The following SNRPN variants were observed in gnomAD, a reference collection of about 807,000 sequenced individuals.
The protein encoded by SNRPN is small nuclear ribonucleoprotein polypeptide N, also known as small nuclear ribonucleoprotein-associated protein N.
In SNRPN, 7 loss-of-function variants were observed where a neutral mutation model predicts 25.2. That is an observed-to-expected ratio of 0.28 (90% CI 0.16 to 0.52). SNRPN has a LOEUF of 0.52. Ranked by LOEUF, SNRPN falls within the 20% of genes least tolerant of loss-of-function variation. The pLI is 0.96. For missense variants in SNRPN, 196 were observed against 322.5 expected (o/e 0.61, Z 3.00); for synonymous variants, 124 against 110.6 (o/e 1.12, Z -0.76).
chr15:24,889,777 T>C (rs533022404), intron 2 of SNRPN, among the ~76,000 whole-genome samples: 3 of 151,340 alleles, frequency 2.0e-5, no homozygotes, highest in Non-Finnish European at 2.9e-5. Context: ...TGGCTGGGTG[T>C]GGTGGCTCAC....
intron 6 of SNRPN, 136 bp from the exon 7 acceptor site, chr15:24,976,741 G>T (rs2077104601): frequency 1.3e-6 from 1 of 782,474 alleles, no homozygotes; most frequent in East Asian, 2.6e-5. Context: ...ATACTTGCTT[G>T]TTTGTTCATT....
intron 2 of SNRPN, among the ~76,000 whole-genome samples, chr15:24,889,447 C>T (rs550448242): frequency 2.0e-4 from 30 of 151,986 alleles, no homozygotes; most frequent in Admixed American, 4.6e-4. Context: ...GGACTACAGG[C>T]GCCTGCCACC....
rs151045016 is a variant in SNRPN, at chr15:24,924,286, T to C, written c.-391+4162T>C. ...AGGACAGAGGGTATAGGTGATTAGG[T>C]AACTTAGGGGAGAGTAAACAGTTTG... On this transcript the variant is annotated intron_variant, in intron 3 of 11. Coordinates refer to the SNRPN transcript ENST00000400097. Among the ~76,000 whole-genome samples the C allele has an allele frequency of 1.6e-4, 24 of 151,970 alleles. No homozygotes were observed. In the East Asian group the frequency reaches 4.7e-3, roughly 30 times the overall value.
chr15:24,959,651 A>G (rs933795487), intron 1 of SNRPN, among the ~76,000 whole-genome samples: 3 of 152,196 alleles, frequency 2.0e-5, no homozygotes, highest in Non-Finnish European at 4.4e-5. Flanking sequence ...ATTGTATTAT[A>G]TTAAGGTACT....
At chr15:24,880,203 A>G (rs1403637689) in intron 1 of SNRPN, among the ~76,000 whole-genome samples, 1 of 152,176 alleles carries the variant, frequency 6.6e-6, no homozygotes, top group Non-Finnish European at 1.5e-5. Flanking sequence ...CTCCCTGAGC[A>G]GCCACTGTCA....
At position 24,911,326 on chromosome 15, in the gene SNRPN, A is replaced by G. The variant is rs140154736; in HGVS notation, c.-504-8685A>G. On this transcript the variant is annotated intron_variant, in intron 2 of 11. Coordinates refer to the SNRPN transcript ENST00000400097. ...ATGACTAGAATGCCAGATGCTATTC[A>G]TTAAGACAATGGGAGAATGACCCTG... is the stretch of plus-strand genomic sequence containing the variant. Among the ~76,000 whole-genome samples the G allele has an allele frequency of 2.7e-3, 409 of 152,308 alleles. 5 individuals are homozygous for G. The highest frequency in any genetic ancestry group is 9.5e-3 in the African/African-American group (395 of 41,564).
chr15:24,968,838 A>G (rs994848759), intron 3 of SNRPN: 2 of 152,180 alleles, frequency 1.3e-5, no homozygotes, highest in Non-Finnish European at 2.9e-5. Context: ...AATGTGATGT[A>G]GATTTATTTA....
Position 24,978,359 on chromosome 15 carries a change from C to T in SNRPN, c.685+41C>T, listed in dbSNP as rs759334220. Reference sequence around the variant, plus strand: ...GGGGTTTGATGGTTCAGCCAGGCCCCTGAATATGTGTATCCTCTTTTTCTC... The same window carrying T: ...GGGGTTTGATGGTTCAGCCAGGCCCTTGAATATGTGTATCCTCTTTTTCTC... On this transcript the variant is annotated intron_variant, in intron 9 of 9. Coordinates refer to ENST00000390687, the MANE Select transcript of SNRPN (RefSeq NM_003097.6). 4.6e-5 allele frequency: 75 copies of T among 1,613,982 alleles called. No individual in the cohort carries two copies. The Admixed American group carries it at 1.2e-3, about 27-fold the overall frequency.
intron 2 of SNRPN, among the ~76,000 whole-genome samples, chr15:24,962,713 CAT>C (rs2075026830): frequency 6.6e-6 from 1 of 152,088 alleles, no homozygotes; most frequent in South Asian, 2.1e-4. Flanking sequence ...CACTCAGACA[CAT>C]ATTTTAATTT....
chr15:24,889,181 G>A (rs1244489012), intron 2 of SNRPN, among the ~76,000 whole-genome samples: 1 of 152,194 alleles, frequency 6.6e-6, no homozygotes, highest in African/African-American at 2.4e-5. Flanking sequence ...GCCTTCCAAA[G>A]TGCTGGGATT....
upstream of SNRPN, among the ~76,000 whole-genome samples, chr15:24,950,401 T>C (rs962946093): frequency 5.3e-5 from 8 of 151,944 alleles, no homozygotes; most frequent in African/African-American, 1.2e-4. Context: ...GGTCTCGAAC[T>C]CCTGACCTCG....
chr15:24,903,055 C>T (rs1459483177), intron 2 of SNRPN, among the ~76,000 whole-genome samples: 6 of 152,186 alleles, frequency 3.9e-5, no homozygotes, highest in Admixed American at 3.9e-4. Flanking sequence ...ACACAGAGCA[C>T]TGATTGTTGT....
chr15:24,917,740 C>T (rs1253846784), intron 2 of SNRPN, among the ~76,000 whole-genome samples: 1 of 152,208 alleles, frequency 6.6e-6, no homozygotes, highest in Non-Finnish European at 1.5e-5. Flanking sequence ...AGCCCGTGTT[C>T]CATATTTGTT....
rs192389756 is a variant in SNRPN at position 24,959,307 on chromosome 15, A to G, written c.-390-2807A>G. ...AAGTAGTGTTTTCAAAATCTTATAG[A>G]TGACATTTTATATGTAGATTAAAAA... On this transcript the variant is annotated intron_variant, in intron 1 of 9. Transcript: ENST00000390687. Among the ~76,000 whole-genome samples the G allele has an allele frequency of 2.6e-5, 4 of 152,288 alleles. No homozygotes were observed. The East Asian group carries it at 7.7e-4, about 29-fold the overall frequency.
At chr15:24,901,669 T>G (rs74003503) in intron 2 of SNRPN, among the ~76,000 whole-genome samples, 6,872 of 152,304 alleles carry the variant, frequency 0.045, 160 homozygotes, top group African/African-American at 0.062. Context: ...GTGGGCATAT[T>G]TGCAAATATG....
At chr15:24,897,316 G>A (rs893355126) in intron 2 of SNRPN, among the ~76,000 whole-genome samples, 5 of 152,116 alleles carry the variant, frequency 3.3e-5, no homozygotes, top group Admixed American at 6.6e-5. Context: ...ACTGGATGTG[G>A]TGGCTCACAC....
At chr15:24,961,375 ATTAC>A (rs760154937) in intron 1 of SNRPN, among the ~76,000 whole-genome samples, 2 of 152,258 alleles carry the variant, frequency 1.3e-5, no homozygotes, top group Non-Finnish European at 2.9e-5. Flanking sequence ...CTTTTGAGAT[ATTAC>A]TTGTGTTACT....
intron 2 of SNRPN, among the ~76,000 whole-genome samples, chr15:24,905,306 C>T (rs1286888917): frequency 2.0e-5 from 3 of 151,600 alleles, no homozygotes; most frequent in Non-Finnish European, 4.4e-5. Flanking sequence ...GTCAGCAGTT[C>T]GAGACCAGCC....
Sources: allele counts gnomAD v4.1 joint callset (sites outside exome capture counted in the v4.1 genomes callset), GRCh38; gene constraint gnomAD v4.1.1; transcripts MANE v1.5; gene names NCBI Gene and HGNC (gene_info 2026-07-23, HGNC 2026-07-21).